Variants in CELF4 observed in about 807,000 individuals in gnomAD.
CELF4 encodes the protein CUG-BP- and ETR-3-like factor 4.
CELF4 carries 18 observed loss-of-function variants against 59.9 expected under a neutral mutation model. That is an observed-to-expected ratio of 0.30 (90% CI 0.21 to 0.45). The LOEUF (loss-of-function observed/expected upper bound fraction) is 0.45, where lower values mean the gene tolerates loss of function less well. Ranked by LOEUF, CELF4 falls within the 20% of genes least tolerant of loss-of-function variation. CELF4 has a pLI of 1.00. For missense variants in CELF4, 456 were observed against 689.0 expected (o/e 0.66, Z 3.79); for synonymous variants, 261 against 267.1 (o/e 0.98, Z 0.22).
intron 3 of CELF4, among the ~76,000 whole-genome samples, chr18:37,307,837 T>C (rs1485809706): frequency 1.3e-5 from 2 of 152,000 alleles, no homozygotes; most frequent in African/African-American, 2.4e-5. Context: ...GGGAAAGGGT[T>C]TGGAGCTGGG....
At chr18:37,270,188 T>G (rs1473673418) in intron 8 of CELF4, among the ~76,000 whole-genome samples, 1 of 56,364 alleles carries the variant, frequency 1.8e-5, no homozygotes, top group African/African-American at 1.5e-4. Flanking sequence ...TGCCAGACTA[T>G]TTGAAAAAAT....
intron 2 of CELF4, among the ~76,000 whole-genome samples, chr18:37,351,814 A>G (rs1192606396): frequency 6.6e-6 from 1 of 152,020 alleles, no homozygotes; most frequent in Non-Finnish European, 1.5e-5. Flanking sequence ...GGATTTTGCC[A>G]TCTTAGCGAG....
At chr18:37,333,802 A>G (rs11662255) in intron 2 of CELF4, among the ~76,000 whole-genome samples, 24,080 of 151,528 alleles carry the variant, frequency 0.16, 2,518 homozygotes, top group South Asian at 0.22. Context: ...CCATCCATCC[A>G]TCCATCCATG....
intron 3 of CELF4, among the ~76,000 whole-genome samples, chr18:37,279,659 C>G (rs1231806833): frequency 6.6e-6 from 1 of 152,178 alleles, no homozygotes; most frequent in African/African-American, 2.4e-5. Flanking sequence ...GGTGGAGAGA[C>G]AGGCCATCCA....
chr18:37,451,210 G>A (rs1458158113), intron 2 of CELF4, among the ~76,000 whole-genome samples: 1 of 152,232 alleles, frequency 6.6e-6, no homozygotes, highest in Non-Finnish European at 1.5e-5. Context: ...GGGGGACACT[G>A]AGGAAATCCC....
intron 2 of CELF4, among the ~76,000 whole-genome samples, chr18:37,394,106 C>T (rs1262460993): frequency 6.6e-6 from 1 of 152,044 alleles, no homozygotes; most frequent in African/African-American, 2.4e-5. Flanking sequence ...GAGGGGCCCG[C>T]GGCAGATGCT....
intron 2 of CELF4, among the ~76,000 whole-genome samples, chr18:37,441,291 G>GTA: frequency 6.6e-6 from 1 of 152,020 alleles, no homozygotes; most frequent in African/African-American, 2.4e-5. Flanking sequence ...GTGTGTGTGT[G>GTA]TGTGTGTGTG....
intron 12 of CELF4, among the ~76,000 whole-genome samples, chr18:37,247,699 T>TA (rs1227864601): frequency 6.6e-6 from 1 of 151,764 alleles, no homozygotes; most frequent in African/African-American, 2.4e-5. Context: ...AGACACATGA[T>TA]ACACTGTGAA....
intron 2 of CELF4, among the ~76,000 whole-genome samples, chr18:37,427,765 T>C (rs1224332067): frequency 1.3e-5 from 2 of 152,256 alleles, no homozygotes; most frequent in Non-Finnish European, 2.9e-5. Context: ...TCAGTGCTGC[T>C]GTTCTCTGCA....
chr18:37,341,746 C>A (rs1486774855), intron 2 of CELF4, among the ~76,000 whole-genome samples: 3 of 152,122 alleles, frequency 2.0e-5, no homozygotes, highest in Non-Finnish European at 2.9e-5. Flanking sequence ...CCTTTTGACT[C>A]TAGGAGTGTA....
chr18:37,487,703 A>G (rs1375791863), intron 1 of CELF4, among the ~76,000 whole-genome samples: 2 of 152,196 alleles, frequency 1.3e-5, no homozygotes, highest in Non-Finnish European at 2.9e-5. Flanking sequence ...TACGCAGGCA[A>G]GCCAGCTTGG....
chr18:37,439,210 G>A (rs1378642854), intron 2 of CELF4, among the ~76,000 whole-genome samples: 1 of 152,200 alleles, frequency 6.6e-6, no homozygotes, highest in African/African-American at 2.4e-5. Context: ...TGGAGTGAGG[G>A]TAGCTCTGCT....
intron 2 of CELF4, among the ~76,000 whole-genome samples, chr18:37,367,061 G>A (rs2098794253): frequency 2.0e-5 from 3 of 152,202 alleles, no homozygotes; most frequent in Non-Finnish European, 4.4e-5. Flanking sequence ...TGGCTTCAGA[G>A]GTGAGATCTG....
chr18:37,334,139 G>A (rs1229490818), intron 2 of CELF4, among the ~76,000 whole-genome samples: 6 of 152,260 alleles, frequency 3.9e-5, no homozygotes, highest in East Asian at 3.9e-4. Context: ...TGCATGGGGC[G>A]TCGTAATCCA....
intron 2 of CELF4, among the ~76,000 whole-genome samples, chr18:37,434,253 C>T (rs926476834): frequency 1.3e-4 from 20 of 152,216 alleles, no homozygotes; most frequent in African/African-American, 4.6e-4. Flanking sequence ...GGAGTACAGA[C>T]AATGAGGGTT....
At chr18:37,484,890 T>C (rs1029196797) in intron 2 of CELF4, among the ~76,000 whole-genome samples, 14 of 151,938 alleles carry the variant, frequency 9.2e-5, no homozygotes, top group African/African-American at 3.4e-4. Flanking sequence ...CGTATATCTC[T>C]CCCCCCTCAC....
At chr18:37,263,927 T>G (rs1475646421) in intron 10 of CELF4, among the ~76,000 whole-genome samples, 10 of 152,046 alleles carry the variant, frequency 6.6e-5, no homozygotes, top group Admixed American at 6.6e-4. Flanking sequence ...TGAGCACTCC[T>G]ACTTCTCCCC....
chr18:37,377,269 G>T (rs945979354), intron 2 of CELF4, among the ~76,000 whole-genome samples: 3 of 152,128 alleles, frequency 2.0e-5, no homozygotes, highest in Non-Finnish European at 4.4e-5. Context: ...ACTGCCTGAG[G>T]ACGGCCTCCT....
chr18:37,444,757 C>A (rs1324692971), intron 2 of CELF4, among the ~76,000 whole-genome samples: 1 of 152,116 alleles, frequency 6.6e-6, no homozygotes. Context: ...ATGGCCCCGA[C>A]AGGCTCAGGA....
Sources: gnomAD v4.1 joint callset for allele counts (sites outside exome capture counted in the v4.1 genomes callset) on GRCh38, gnomAD v4.1.1 for gene constraint, MANE v1.5 for transcripts, NCBI Gene and HGNC (gene_info 2026-07-23, HGNC 2026-07-21) for gene names.